Variants in GRAMD1B observed in about 807,000 individuals in gnomAD.
GRAMD1B encodes the protein protein Aster-B.
In GRAMD1B, 37 loss-of-function variants were observed where a neutral mutation model predicts 99.7. That is an observed-to-expected ratio of 0.37 (90% CI 0.29 to 0.49). The LOEUF (loss-of-function observed/expected upper bound fraction) is 0.49, where lower values mean the gene tolerates loss of function less well. GRAMD1B is among the 20% of genes least tolerant of loss of function. The pLI is 0.98. For synonymous variants in GRAMD1B, 427 were observed against 387.6 expected, an observed-to-expected ratio of 1.10 and a Z score of -1.19; for missense variants, 888 against 1,009.2, an observed-to-expected ratio of 0.88 and a Z score of 1.63.
chr11:123,374,668 C>T (rs971990185), intron 1 of GRAMD1B, among the ~76,000 whole-genome samples: 6 of 152,204 alleles, frequency 3.9e-5, no homozygotes, highest in Non-Finnish European at 7.3e-5. Context: ...CAATAGACAG[C>T]GACCCTCTGC....
chr11:123,424,264 AAAAAAAG>A (rs1948567824), intron 1 of GRAMD1B, among the ~76,000 whole-genome samples: 1 of 151,610 alleles, frequency 6.6e-6, no homozygotes, highest in African/African-American at 2.4e-5. Context: ...AAAAAAAAAA[AAAAAAAG>A]AAAAAAGAAA....
At chr11:123,614,585 T>C (rs1175663804) in intron 16 of GRAMD1B, among the ~76,000 whole-genome samples, 160 bp from the exon 17 acceptor site, 1 of 152,224 alleles carries the variant, frequency 6.6e-6, no homozygotes, top group African/African-American at 2.4e-5. Flanking sequence ...TTTTACCTTC[T>C]CCTCTTGGAG....
At chr11:123,499,059 C>T (rs942639021) in intron 2 of GRAMD1B, among the ~76,000 whole-genome samples, 13 of 152,144 alleles carry the variant, frequency 8.5e-5, no homozygotes, top group African/African-American at 1.9e-4. Flanking sequence ...CCTTTTGATA[C>T]GTAGCTTGGT....
rs569063194 is a variant in GRAMD1B, at chr11:123,407,161, T to C, written c.-176+48362T>C. Among the ~76,000 whole-genome samples, 97 of 152,344 alleles carry C rather than the reference T, an allele frequency of 6.4e-4. 1 individual carries two copies. Among genetic ancestry groups the C allele is most frequent in the African/African-American group, 2.2e-3 (91 of 41,584 alleles). On this transcript the variant is annotated intron_variant, in intron 1 of 20. Coordinates refer to the GRAMD1B transcript ENST00000638157. ...TCATGGAATGCTAGCAATACAAAAT[T>C]TGAAGGCTTCTACAGGTCTATAACA...
chr11:123,610,512 A>T lies in GRAMD1B; in HGVS notation c.1919+174A>T, dbSNP rs1388285818. ...ACCCACCACTCTGTTTGAGTTAATT[A>T]TTCTCTCCACTCTCTACATCTTGTT... On this transcript the variant is annotated intron_variant, in intron 14 of 19. Coordinates refer to ENST00000635736, the MANE Select transcript of GRAMD1B (RefSeq NM_001387025.1). The surrounding 1 kb of genome is among the most constrained non-coding windows in gnomAD (Gnocchi z 4.1). Among the ~76,000 whole-genome samples, 4 of 152,116 alleles carry T rather than the reference A, an allele frequency of 2.6e-5. No individual in the cohort carries two copies. Among genetic ancestry groups the T allele is most frequent in the Admixed American group, 2.0e-4 (3 of 15,268 alleles).
At chr11:123,368,679 CAAAAAAAAA>C (rs58877377) in intron 1 of GRAMD1B, among the ~76,000 whole-genome samples, 2 of 78,064 alleles carry the variant, frequency 2.6e-5, no homozygotes, top group Admixed American at 1.9e-4. Context: ...GACTCTGTCT[CAAAAAAAAA>C]AAAAAAAAAA....
chr11:123,535,780 C>T (rs1457998196), intron 2 of GRAMD1B, among the ~76,000 whole-genome samples: 1 of 152,062 alleles, frequency 6.6e-6, no homozygotes, highest in East Asian at 1.9e-4. Flanking sequence ...TAGAACATTG[C>T]CTATACGTGT....
intron 1 of GRAMD1B, among the ~76,000 whole-genome samples, chr11:123,390,861 A>T (rs1379740176): frequency 6.6e-6 from 1 of 151,738 alleles, no homozygotes; most frequent in African/African-American, 2.4e-5. Context: ...TTCCCATCTC[A>T]CTTGATTCCA....
chr11:123,501,317 C>T (rs958562548), intron 2 of GRAMD1B, among the ~76,000 whole-genome samples: 3 of 151,954 alleles, frequency 2.0e-5, no homozygotes, highest in Admixed American at 6.6e-5. Flanking sequence ...ACCACAGGCA[C>T]GTGCCACCAT....
intron 2 of GRAMD1B, among the ~76,000 whole-genome samples, chr11:123,504,053 C>G (rs1457306041): frequency 6.6e-6 from 1 of 152,178 alleles, no homozygotes; most frequent in Non-Finnish European, 1.5e-5. Context: ...CTGTGCTGCA[C>G]TATCCTGTCC....
intron 17 of GRAMD1B, among the ~76,000 whole-genome samples, chr11:123,617,846 A>G (rs535594074): frequency 2.1e-5 from 3 of 141,354 alleles, no homozygotes; most frequent in East Asian, 2.1e-4. Flanking sequence ...GAATTTCTGC[A>G]GTCTCTCTAT....
At chr11:123,584,595 C>G (rs1224822144) in intron 4 of GRAMD1B, among the ~76,000 whole-genome samples, 1 of 151,988 alleles carries the variant, frequency 6.6e-6, no homozygotes, top group Non-Finnish European at 1.5e-5. Context: ...AAGGGTCTGT[C>G]AACCCTAAAA....
At chr11:123,441,812 A>G (rs1353210619) in intron 1 of GRAMD1B, among the ~76,000 whole-genome samples, 1 of 151,002 alleles carries the variant, frequency 6.6e-6, no homozygotes, top group Non-Finnish European at 1.5e-5. Context: ...GAGAGAGAAA[A>G]AAAAGTCAAC....
intron 19 of GRAMD1B, chr11:123,619,638 G>GAGGA: frequency 2.8e-6 from 1 of 358,678 alleles, no homozygotes; most frequent in Non-Finnish European, 3.9e-6. Flanking sequence ...CTGACAGTCA[G>GAGGA]TGGCACTGCA....
chr11:123,471,562 G>A (rs566949657), intron 1 of GRAMD1B, among the ~76,000 whole-genome samples: 72 of 152,268 alleles, frequency 4.7e-4, no homozygotes, highest in African/African-American at 1.6e-3. Context: ...AGAAATATGC[G>A]TTTCAAGAAG....
intron 17 of GRAMD1B, among the ~76,000 whole-genome samples, chr11:123,616,440 T>C (rs1317286100): frequency 1.3e-5 from 2 of 152,258 alleles, no homozygotes; most frequent in Non-Finnish European, 2.9e-5. Context: ...TATTGGATTT[T>C]GGTTTGTAGA....
chr11:123,531,568 G>C (rs1473582079), intron 2 of GRAMD1B, among the ~76,000 whole-genome samples: 6 of 152,032 alleles, frequency 3.9e-5, no homozygotes, highest in Non-Finnish European at 8.8e-5. Flanking sequence ...GAGGCTTGTT[G>C]TCATCAAGTT....
In GRAMD1B at chr11:123,448,801, G is replaced by A. The variant is rs540687569; in HGVS notation, c.374+17635G>A. 3.3e-5 allele frequency among the ~76,000 whole-genome samples: 5 copies of A among 152,308 alleles called. No homozygotes were observed. The South Asian group carries it at 1.0e-3, about 32-fold the overall frequency. ...GAGGCTTCTCTCCCTCCAAGCAAATGTTCCTCAAGCCTGCCTTCTCAGCTC... is the reference window on the plus strand; with the variant it reads ...GAGGCTTCTCTCCCTCCAAGCAAATATTCCTCAAGCCTGCCTTCTCAGCTC... On this transcript the variant is annotated intron_variant, in intron 1 of 19. Coordinates refer to ENST00000635736, the MANE Select transcript of GRAMD1B (RefSeq NM_001387025.1).
At position 123,430,812 on chromosome 11, in the gene GRAMD1B, T is replaced by G. The variant is rs571618091; in HGVS notation, c.20T>G (p.Met7Arg). 1.4e-6 allele frequency: 1 copy of G among 693,330 alleles called. No homozygotes were observed. The highest frequency in any genetic ancestry group is 2.7e-5 in the East Asian group (1 of 37,040). The allele number at this position is 693,330 out of a possible 1,614,324, so 42.9% of individuals were successfully genotyped here. A position where few individuals can be genotyped will look rare whatever the true frequency, so the allele number is the denominator to read the frequency against. The change falls in exon 1 of 20, where the codon ATG (methionine) becomes AGG (arginine). Residue 7 changes from methionine to arginine, a missense_variant. Met to Arg is a moderately conservative substitution (Grantham distance 91, BLOSUM62 -1). Coordinates refer to ENST00000635736, the MANE Select transcript of GRAMD1B (RefSeq NM_001387025.1). ...GCCCCCATGCCGGCGGCCAACATGA[T>G]GGAGAACCGGCCGCTGCCCGCCCTG... MPAANM[M>R]ENRPLPALQV...
Sources: gnomAD v4.1 joint callset for allele counts (sites outside exome capture counted in the v4.1 genomes callset) on GRCh38, gnomAD v4.1.1 for gene constraint, Gnocchi (gnomAD v3.1) non-coding constraint, MANE v1.5 for transcripts, NCBI Gene and HGNC (gene_info 2026-07-23, HGNC 2026-07-21) for gene names.